Variants in SLC45A4 observed in about 807,000 individuals in gnomAD.
SLC45A4 encodes the protein polyamine-transporter SLC45A4.
In SLC45A4, 32 loss-of-function variants were observed where a neutral mutation model predicts 63.7. The ratio of observed to expected loss-of-function variants is 0.50; its 90% CI spans 0.38 to 0.67. The LOEUF (loss-of-function observed/expected upper bound fraction) is 0.67, where lower values mean the gene tolerates loss of function less well. SLC45A4 is among the 30% of genes least tolerant of loss of function. The probability of loss-of-function intolerance (pLI) is 0.00; values close to 1 mark genes in which losing one functional copy is unlikely to be tolerated. For missense variants in SLC45A4, 1,027 were observed against 1,157.7 expected (o/e 0.89, Z 1.64); for synonymous variants, 535 against 510.0 (o/e 1.05, Z -0.66).
intron 2 of SLC45A4, among the ~76,000 whole-genome samples, chr8:141,239,642 C>T (rs1346619982): frequency 6.6e-6 from 1 of 152,120 alleles, no homozygotes; most frequent in Non-Finnish European, 1.5e-5. Context: ...TTCACCTGAA[C>T]GTGGTAGGAA....
chr8:141,243,748 C>T (rs955193068), intron 2 of SLC45A4, among the ~76,000 whole-genome samples: 4 of 152,088 alleles, frequency 2.6e-5, no homozygotes, highest in African/African-American at 4.8e-5. Context: ...GCAAGACCCC[C>T]GCTCCTGATC....
rs1479672552 is a variant in SLC45A4, at chr8:141,227,644, AG to A, written c.242-5880del. Among the ~76,000 whole-genome samples, 1 of 152,038 alleles carries A rather than the reference AG, an allele frequency of 6.6e-6. No individual in the cohort carries two copies. The highest frequency in any genetic ancestry group is 1.5e-5 in the Non-Finnish European group (1 of 68,010). ...AGGGCTCGGGCCACCTGCTTGCAAG[AG>A]GGGAAGGGCCACTGGCACTGGGCCC... On this transcript the variant is annotated intron_variant, in intron 2 of 8. Coordinates refer to ENST00000517878, the MANE Select transcript of SLC45A4 (RefSeq NM_001286646.2). This position sits in a 1 kb window ranked among gnomAD's most constrained non-coding sequence, Gnocchi z 4.4.
At chr8:141,267,908 T>G (rs1829345297) in intron 1 of SLC45A4, among the ~76,000 whole-genome samples, 1 of 152,184 alleles carries the variant, frequency 6.6e-6, no homozygotes, top group Admixed American at 6.5e-5. Flanking sequence ...TTTGCCCATT[T>G]TCACAAAACC....
chr8:141,289,858 A>G (rs1239685173), intron 1 of SLC45A4, among the ~76,000 whole-genome samples: 3 of 151,928 alleles, frequency 2.0e-5, no homozygotes, highest in African/African-American at 7.3e-5. Flanking sequence ...GGAGCCCACC[A>G]AGAGCCAACT....
chr8:141,305,998 C>G (rs1285926429), intron 1 of SLC45A4, among the ~76,000 whole-genome samples: 1 of 152,178 alleles, frequency 6.6e-6, no homozygotes, highest in African/African-American at 2.4e-5. Flanking sequence ...ATCCGGTTTA[C>G]AGGCTTGCTC....
chr8:141,269,693 GTC>G (rs898363633), intron 1 of SLC45A4, among the ~76,000 whole-genome samples: 1 of 151,296 alleles, frequency 6.6e-6, no homozygotes, highest in African/African-American at 2.5e-5. Context: ...GTGTATGTGT[GTC>G]TGTGTCTGTG....
intron 1 of SLC45A4, among the ~76,000 whole-genome samples, chr8:141,299,809 A>G (rs1387346462): frequency 2.6e-5 from 4 of 152,216 alleles, no homozygotes; most frequent in Non-Finnish European, 5.9e-5. Flanking sequence ...AAAGTCTTTT[A>G]AGAGACTGAA....
chr8:141,261,099 G>A (rs1376328290), intron 1 of SLC45A4, among the ~76,000 whole-genome samples: 2 of 152,128 alleles, frequency 1.3e-5, no homozygotes, highest in Admixed American at 6.5e-5. Flanking sequence ...GTAATCCAGC[G>A]TATAAACACA....
At chr8:141,247,885 G>A (rs1183507262) in intron 2 of SLC45A4, among the ~76,000 whole-genome samples, 2 of 152,234 alleles carry the variant, frequency 1.3e-5, no homozygotes, top group Admixed American at 6.5e-5. Context: ...AGGTGCCATG[G>A]ATTTCAATGG....
At position 141,256,723 on chromosome 8, in the gene SLC45A4, C is replaced by T. The variant is rs1484193058; in HGVS notation, c.-400-2094G>A. 3 of 431,560 alleles carry T rather than the reference C, an allele frequency of 7.0e-6. No homozygotes were observed. Among genetic ancestry groups the T allele is most frequent in the African/African-American group, 2.0e-5 (1 of 49,536 alleles). The allele number at this position is 431,560 out of a possible 1,614,324, so 26.7% of individuals were successfully genotyped here. On this transcript the variant is annotated intron_variant, in intron 1 of 8. Transcript: ENST00000517878. The surrounding 1 kb of genome is among the most constrained non-coding windows in gnomAD (Gnocchi z 4.3). The stretch of plus-strand genomic sequence containing the variant: ...TTCTTACGTCCCCTGAACGTCGCTA[C>T]GATTCCACACGACAGCCCTCGAGAA...
At chr8:141,285,944 T>A (rs1177299815) in intron 1 of SLC45A4, among the ~76,000 whole-genome samples, 1 of 152,178 alleles carries the variant, frequency 6.6e-6, no homozygotes, top group Non-Finnish European at 1.5e-5. Context: ...CTTGACACTG[T>A]TCCTCAGGAG....
intron 1 of SLC45A4, among the ~76,000 whole-genome samples, chr8:141,258,663 G>T (rs562727620): frequency 1.3e-5 from 2 of 152,110 alleles, no homozygotes; most frequent in Non-Finnish European, 2.9e-5. Context: ...CAGGAGGATC[G>T]CTTGAGCCCA....
At chr8:141,302,441 C>T (rs1236481004) in intron 1 of SLC45A4, among the ~76,000 whole-genome samples, 2 of 135,612 alleles carry the variant, frequency 1.5e-5, no homozygotes, top group African/African-American at 5.4e-5. Flanking sequence ...TCAAGCCATT[C>T]TTGTGCTTTA....
intron 3 of SLC45A4, among the ~76,000 whole-genome samples, chr8:141,220,883 G>A (rs537538094): frequency 3.3e-5 from 5 of 152,346 alleles, no homozygotes; most frequent in Admixed American, 3.3e-4. Context: ...GCAGCTCCGC[G>A]CCCAGCAGGC....
chr8:141,212,201 G>A lies in SLC45A4; in HGVS notation c.2297C>T (p.Ser766Phe). 1 of 1,328,258 alleles carries A rather than the reference G, an allele frequency of 7.5e-7. No homozygotes were observed. The allele number at this position is 1,328,258 out of a possible 1,614,324, so 82.3% of individuals were successfully genotyped here. The change falls in exon 8 of 9, where the codon TCC becomes TTC. Residue 766 changes from serine (S) to phenylalanine (F), a missense_variant. Coordinates refer to ENST00000517878, the MANE Select transcript of SLC45A4 (RefSeq NM_001286646.2). The stretch of plus-strand genomic sequence containing the variant: ...AAACGGGAGTGCGGCTCAGACCACG[G>A]ACTCTGTCTCCACCGGTCCCTGCAG... ...EGLQGPVETE[S>F]VTPAGIDVCQ...
At chr8:141,211,824 A>C (rs187117077) in intron 8 of SLC45A4, 127 bp from the exon 9 acceptor site, 1 of 1,316,846 alleles carries the variant, frequency 7.6e-7, no homozygotes, top group Non-Finnish European at 9.8e-7. Flanking sequence ...GAAATGCAAA[A>C]TCTTATTTTT....
chr8:141,219,134 T>A, intron 4 of SLC45A4, 105 bp from the exon 5 acceptor site: 1 of 1,309,496 alleles, frequency 7.6e-7, no homozygotes, highest in Non-Finnish European at 1.0e-6. Context: ...GCTGCCCTCA[T>A]GATGGGAGTC....
chr8:141,223,625 G>C (rs958241216), intron 2 of SLC45A4, among the ~76,000 whole-genome samples: 42 of 152,192 alleles, frequency 2.8e-4, no homozygotes, highest in African/African-American at 9.4e-4. Context: ...CTGTAGCAGC[G>C]CGCTGGTTCT....
At chr8:141,216,794 CGT>C (rs1589760759) in intron 6 of SLC45A4, among the ~76,000 whole-genome samples, 2 of 152,308 alleles carry the variant, frequency 1.3e-5, no homozygotes, top group African/African-American at 2.4e-5. Context: ...CCAGGGACAG[CGT>C]GTCTGGAGGC....
Sources: gnomAD v4.1 joint callset for allele counts (sites outside exome capture counted in the v4.1 genomes callset) on GRCh38, gnomAD v4.1.1 for gene constraint, Gnocchi (gnomAD v3.1) non-coding constraint, MANE v1.5 for transcripts, NCBI Gene and HGNC (gene_info 2026-07-23, HGNC 2026-07-21) for gene names.